Variants in KIAA0586 observed in about 807,000 individuals in gnomAD.
KIAA0586 encodes KIAA0586, also known as protein TALPID3.
Under a neutral mutation model 169.8 loss-of-function variants are expected in KIAA0586, and 144 were observed. That is an observed-to-expected ratio of 0.85 (90% confidence interval 0.74 to 0.97). The LOEUF (loss-of-function observed/expected upper bound fraction) is 0.97, where lower values mean the gene tolerates loss of function less well. KIAA0586 is among the 50% of genes least tolerant of loss of function. The pLI is 0.00. For synonymous variants in KIAA0586, 625 were observed against 612.4 expected, an observed-to-expected ratio of 1.02 and a Z score of -0.30; for missense variants, 1,854 against 1,823.0, an observed-to-expected ratio of 1.02 and a Z score of -0.31.
rs571982714 is a variant in KIAA0586 at position 58,464,757 on chromosome 14, C to G, written c.2060-1078C>G. ...ACCAAGCCCTAACATGTACTATGTT[C>G]TTTTAATCTGATAACTGAGATGGTA... is the stretch of plus-strand genomic sequence containing the variant. On this transcript the variant is annotated intron_variant, in intron 14 of 30. Coordinates refer to ENST00000652326, the MANE Select transcript of KIAA0586 (RefSeq NM_001329943.3). 1.9e-3 allele frequency among the ~76,000 whole-genome samples: 287 copies of G among 152,176 alleles called. 1 individual carries two copies. Among genetic ancestry groups the G allele is most frequent in the Non-Finnish European group, 3.3e-3 (224 of 68,006 alleles).
intron 1 of KIAA0586, among the ~76,000 whole-genome samples, chr14:58,428,666 CTTTT>C (rs33975443): frequency 4.0e-5 from 3 of 74,152 alleles, no homozygotes; most frequent in Non-Finnish European, 9.0e-5. Flanking sequence ...CCCTGTTGTG[CTTTT>C]TTTTTTTTTT....
intron 16 of KIAA0586, among the ~76,000 whole-genome samples, chr14:58,468,402 T>C (rs778758902): frequency 3.3e-5 from 5 of 152,212 alleles, no homozygotes; most frequent in Non-Finnish European, 5.9e-5. Context: ...CTGTCCTGTT[T>C]TGCATGATTT....
At chr14:58,436,580 G>C (rs551951220) in intron 4 of KIAA0586, among the ~76,000 whole-genome samples, 26 of 152,190 alleles carry the variant, frequency 1.7e-4, no homozygotes, top group African/African-American at 6.0e-4. Flanking sequence ...ATAAGTGGTA[G>C]ATGTAAATTG....
At chr14:58,435,532 A>G (rs1337994492) in intron 4 of KIAA0586, among the ~76,000 whole-genome samples, 1 of 152,114 alleles carries the variant, frequency 6.6e-6, no homozygotes, top group Non-Finnish European at 1.5e-5. Context: ...TCATCCTACT[A>G]TAGTCATTCC....
At position 58,488,736 on chromosome 14, in the gene KIAA0586, C is replaced by G. The variant is rs774383354; in HGVS notation, c.3643C>G (p.Pro1215Ala). The stretch of plus-strand genomic sequence containing the variant: ...TCCTGCCGGCACCAAGGCCCCTTCC[C>G]CCTCACAGATGCCAGGTTCTGATTC... ...PFPAGTKAPSPSQMPGSDSST... is the reference protein window; with the variant it reads ...PFPAGTKAPSASQMPGSDSST... Residue 1215 changes from proline (P) to alanine (A), a missense_variant, in exon 24 of 31, where the codon CCC (proline) becomes GCC (alanine). Physicochemically the swap from Pro to Ala is conservative, Grantham distance 27. Coordinates refer to ENST00000652326, the MANE Select transcript of KIAA0586 (RefSeq NM_001329943.3). 13 of 1,613,864 alleles carry G rather than the reference C, an allele frequency of 8.1e-6. No homozygotes were observed. The highest frequency in any genetic ancestry group is 1.7e-5 in the Admixed American group (1 of 60,000).
intron 29 of KIAA0586, among the ~76,000 whole-genome samples, chr14:58,515,846 G>A (rs191196311): frequency 6.6e-6 from 1 of 152,066 alleles, no homozygotes; most frequent in East Asian, 1.9e-4. Flanking sequence ...TTTCTACCTA[G>A]GATGAGGAAA....
intron 21 of KIAA0586, among the ~76,000 whole-genome samples, chr14:58,484,918 A>ATATATT (rs2042323235): frequency 1.3e-4 from 1 of 7,432 alleles, no homozygotes; most frequent in Non-Finnish European, 2.6e-4. Flanking sequence ...ATATATATAT[A>ATATATT]TATATATTTT....
intron 29 of KIAA0586, among the ~76,000 whole-genome samples, chr14:58,535,755 CTG>C (rs1450071463): frequency 1.3e-5 from 2 of 148,294 alleles, no homozygotes; most frequent in African/African-American, 5.0e-5. Flanking sequence ...GCTATCCTGA[CTG>C]TTACTAATTT....
At chr14:58,487,262 T>C (rs1012600077) in intron 22 of KIAA0586, 96 bp downstream of exon 22, 28 of 1,033,754 alleles carry the variant, frequency 2.7e-5, no homozygotes, top group Non-Finnish European at 3.7e-5. Flanking sequence ...TTTTAGTAAA[T>C]CATTTTTTCT....
chr14:58,505,109 T>C (rs2043840927), intron 27 of KIAA0586, among the ~76,000 whole-genome samples: 1 of 152,224 alleles, frequency 6.6e-6, no homozygotes, highest in African/African-American at 2.4e-5. Context: ...GATTCTGGCA[T>C]ATAACCTTCC....
chr14:58,482,352 G>T (rs1017808597), intron 20 of KIAA0586, among the ~76,000 whole-genome samples, 161 bp from the exon 21 acceptor site: 35 of 152,004 alleles, frequency 2.3e-4, no homozygotes, highest in Admixed American at 2.0e-4. Context: ...CTTGAATCTG[G>T]GAGGTGGCAG....
chr14:58,440,827 G>A (rs1437208246), intron 4 of KIAA0586: 1 of 152,788 alleles, frequency 6.5e-6, no homozygotes, highest in Non-Finnish European at 1.5e-5. Context: ...GTAGAATGGT[G>A]GTTGCCAGGG....
intron 16 of KIAA0586, among the ~76,000 whole-genome samples, chr14:58,469,403 G>C (rs2041025335): frequency 6.6e-6 from 1 of 152,192 alleles, no homozygotes; most frequent in African/African-American, 2.4e-5. Flanking sequence ...TCTTATAGCA[G>C]TCTTTGGGCA....
At chr14:58,433,230 C>G (rs1405574232) in intron 4 of KIAA0586, 1 of 152,186 alleles carries the variant, frequency 6.6e-6, no homozygotes, top group African/African-American at 2.4e-5. Flanking sequence ...CCACGCCTGG[C>G]TATTATTTGT....
chr14:58,453,433 ACTAGGTC>A lies in KIAA0586; in HGVS notation c.1214_1220del (p.Thr405LysfsTer3). On this transcript the variant is annotated frameshift_variant, in exon 9 of 31. Transcript: ENST00000652326. LOFTEE classifies it high-confidence loss of function. ...TGAATCATCAAACACCACCTCACTAACTAGGTCAAAAATAGGATGGACTCCTGAGAAA... is the reference window on the plus strand; with the variant it reads ...TGAATCATCAAACACCACCTCACTAAAAAAATAGGATGGACTCCTGAGAAA... 1 of 1,524,946 alleles carries A rather than the reference ACTAGGTC, an allele frequency of 6.6e-7. No homozygotes were observed. Among genetic ancestry groups the A allele is most frequent in the Admixed American group, 2.2e-5 (1 of 46,266 alleles). 94.5% of individuals were successfully genotyped at this position (1,524,946 alleles called of 1,614,324 possible).
intron 20 of KIAA0586, among the ~76,000 whole-genome samples, chr14:58,479,226 T>C (rs1271361370): frequency 2.6e-5 from 4 of 152,206 alleles, no homozygotes; most frequent in African/African-American, 9.6e-5. Context: ...TCTGAACATA[T>C]GTGGAGGTAT....
At chr14:58,441,624 A>G (rs2038382679) in intron 4 of KIAA0586, among the ~76,000 whole-genome samples, 1 of 152,096 alleles carries the variant, frequency 6.6e-6, no homozygotes, top group Non-Finnish European at 1.5e-5. Context: ...GTTACAGACC[A>G]AACTTTTTGT....
At chr14:58,545,302 G>C (rs2046910760) in intron 30 of KIAA0586, among the ~76,000 whole-genome samples, 1 of 152,190 alleles carries the variant, frequency 6.6e-6, no homozygotes. Flanking sequence ...ATTGAATTCA[G>C]TATGTTCCTT....
intron 30 of KIAA0586, among the ~76,000 whole-genome samples, chr14:58,544,492 A>G (rs1036829186): frequency 1.3e-5 from 2 of 152,168 alleles, no homozygotes; most frequent in East Asian, 3.9e-4. Context: ...TACCAAGTGA[A>G]TAAGTGTTCC....
Sources: gnomAD v4.1 joint callset for allele counts (sites outside exome capture counted in the v4.1 genomes callset) on GRCh38, gnomAD v4.1.1 for gene constraint, MANE v1.5 for transcripts, NCBI Gene and HGNC (gene_info 2026-07-23, HGNC 2026-07-21) for gene names.